The following SYNE1 variants were observed in gnomAD, a reference collection of about 807,000 sequenced individuals.
The protein encoded by SYNE1 is spectrin repeat containing nuclear envelope protein 1.
SYNE1 carries 616 observed loss-of-function variants against 1,111.0 expected under a neutral mutation model. The ratio of observed to expected loss-of-function variants is 0.55; its 90% CI spans 0.52 to 0.59. SYNE1 has a LOEUF of 0.59. Ranked by LOEUF, SYNE1 falls within the 20% of genes least tolerant of loss-of-function variation. The pLI is 0.00. For synonymous variants in SYNE1, 3,855 were observed against 3,825.8 expected (o/e 1.01, Z -0.28); for missense variants, 10,006 against 10,417.0 (o/e 0.96, Z 1.72).
Position 152,395,499 on chromosome 6 carries a change from C to T in SYNE1, c.7712+17G>A. On this transcript the variant is annotated intron_variant, in intron 51 of 145. Coordinates refer to ENST00000367255, the MANE Select transcript of SYNE1 (RefSeq NM_182961.4). ...CATGGTAAGAGGTAAAGGACCTGTT[C>T]CATTTCTGGACCATACCTTGCAGCC... 1 of 1,610,294 alleles carries T rather than the reference C, an allele frequency of 6.2e-7. No homozygotes were observed. Among genetic ancestry groups the T allele is most frequent in the South Asian group, 1.1e-5 (1 of 90,440 alleles).
At chr6:152,536,066 C>T (rs2099234610) in intron 4 of SYNE1, among the ~76,000 whole-genome samples, 1 of 151,792 alleles carries the variant, frequency 6.6e-6, no homozygotes, top group African/African-American at 2.4e-5. Flanking sequence ...ACCCACTTTC[C>T]TATTCCCAAT....
intron 98 of SYNE1, chr6:152,277,809 A>G: frequency 2.0e-6 from 1 of 490,840 alleles, no homozygotes; most frequent in South Asian, 2.0e-5. Context: ...TTCCCTCTCC[A>G]GTTCCTCTCC....
Position 152,295,615 on chromosome 6 carries a change from G to GAC in SYNE1, c.17683-1490_17683-1489dup, listed in dbSNP as rs57149645. Among the ~76,000 whole-genome samples the GAC allele has an allele frequency of 7.8e-4, 117 of 150,572 alleles. 2 individuals are homozygous for GAC. The highest frequency in any genetic ancestry group is 4.6e-3 in the South Asian group (22 of 4,738). On this transcript the variant is annotated intron_variant, in intron 93 of 145. Transcript: ENST00000367255. ...CATTTATGCATGTGTGTGTGTTACT[G>GAC]ACACACACACACACACATACACACA... is the stretch of plus-strand genomic sequence containing the variant.
intron 3 of SYNE1, among the ~76,000 whole-genome samples, chr6:152,573,327 C>T (rs2099477583): frequency 7.7e-6 from 1 of 130,250 alleles, no homozygotes; most frequent in Non-Finnish European, 1.6e-5. Flanking sequence ...TGCTATCCCC[C>T]CCCCTCCCCC....
Position 152,231,473 on chromosome 6 carries a change from C to T in SYNE1, c.20957G>A (p.Arg6986His), listed in dbSNP as rs772675312. 75 of 1,614,020 alleles carry T rather than the reference C, an allele frequency of 4.6e-5. No individual in the cohort carries two copies. Among genetic ancestry groups the T allele is most frequent in the Non-Finnish European group, 5.7e-5 (67 of 1,180,038 alleles). Residue 6986 changes from arginine to histidine, a missense_variant, in exon 114 of 146, where the codon CGT (arginine) becomes CAT (histidine). Coordinates refer to ENST00000367255, the MANE Select transcript of SYNE1 (RefSeq NM_182961.4). ...QISSQDVESK[R>H]SDKTDFAEQL... ...CTCAGCAAAATCAGTCTTATCACTACGCTTACTTTCCACATCCTGACTGCT... is the reference window on the plus strand; with the variant it reads ...CTCAGCAAAATCAGTCTTATCACTATGCTTACTTTCCACATCCTGACTGCT...
chr6:152,611,077 A>C (rs2099629946), intron 3 of SYNE1, among the ~76,000 whole-genome samples: 1 of 152,228 alleles, frequency 6.6e-6, no homozygotes, highest in African/African-American at 2.4e-5. Context: ...CTATGAAGAA[A>C]CTGCATCAGT....
At chr6:152,574,595 G>A (rs1267425126) in intron 3 of SYNE1, among the ~76,000 whole-genome samples, 1 of 152,174 alleles carries the variant, frequency 6.6e-6, no homozygotes, top group East Asian at 1.9e-4. Context: ...ACTAAATGAA[G>A]CTTTGAGGGA....
In SYNE1 at chr6:152,282,376, G is replaced by C. The variant is rs537253609; in HGVS notation, c.18208-396C>G. Among the ~76,000 whole-genome samples the C allele has an allele frequency of 8.5e-4, 129 of 152,314 alleles. 1 individual carries two copies. Among genetic ancestry groups the C allele is most frequent in the Non-Finnish European group, 1.1e-3 (76 of 68,040 alleles). The stretch of plus-strand genomic sequence containing the variant: ...GGAAGAGTAGGGAGTGATGGAGACT[G>C]TGGCAAACTGAAAAACATGCGGCCT... On this transcript the variant is annotated intron_variant, in intron 96 of 145. Transcript: ENST00000367255.
intron 84 of SYNE1, chr6:152,319,876 T>C (rs529816722): frequency 2.0e-5 from 3 of 152,376 alleles, no homozygotes; most frequent in African/African-American, 4.8e-5. Flanking sequence ...AGAAAAACCA[T>C]GGCTGTGCAC....
chr6:152,564,551 A>G (rs1020254595), intron 3 of SYNE1, among the ~76,000 whole-genome samples: 1 of 152,168 alleles, frequency 6.6e-6, no homozygotes, highest in Non-Finnish European at 1.5e-5. Flanking sequence ...TCCTGAACTC[A>G]AGTGATCTGC....
chr6:152,394,739 A>C (rs2097703599), intron 51 of SYNE1, among the ~76,000 whole-genome samples: 1 of 151,862 alleles, frequency 6.6e-6, no homozygotes, highest in Non-Finnish European at 1.5e-5. Flanking sequence ...AAATGTGTGA[A>C]TAACATATGG....
At chr6:152,175,887 T>G (rs989276420) in intron 130 of SYNE1, among the ~76,000 whole-genome samples, 1 of 152,180 alleles carries the variant, frequency 6.6e-6, no homozygotes, top group Non-Finnish European at 1.5e-5. Flanking sequence ...CAAACACTTA[T>G]AGTTAGCACT....
At chr6:152,548,939 G>C (rs2099327660) in intron 3 of SYNE1, among the ~76,000 whole-genome samples, 1 of 152,192 alleles carries the variant, frequency 6.6e-6, no homozygotes, top group Admixed American at 6.5e-5. Flanking sequence ...TGTTTTAGCT[G>C]TCTTGGATCT....
intron 71 of SYNE1, 49 bp downstream of exon 71, chr6:152,350,569 C>G: frequency 6.2e-7 from 1 of 1,613,160 alleles, no homozygotes; most frequent in Non-Finnish European, 8.5e-7. Context: ...AGTCAGGGCC[C>G]ACATTTTGGA....
chr6:152,325,003 A>C (rs1174548343), intron 81 of SYNE1, 81 bp downstream of exon 81: 12 of 1,539,838 alleles, frequency 7.8e-6, no homozygotes, highest in African/African-American at 2.7e-5. Context: ...GCTGACTTCA[A>C]AAAGGGGCAA....
At chr6:152,188,984 AATATATATAT>A (rs1190850842) in intron 128 of SYNE1, among the ~76,000 whole-genome samples, 573 of 23,006 alleles carry the variant, frequency 0.025, 10 homozygotes, top group Non-Finnish European at 0.038. Context: ...AAAAAAAAAA[AATATATATAT>A]ATATATATAT....
At chr6:152,518,805 C>T (rs1428911890) in intron 6 of SYNE1, among the ~76,000 whole-genome samples, 2 of 151,874 alleles carry the variant, frequency 1.3e-5, no homozygotes, top group South Asian at 2.1e-4. Flanking sequence ...TTTACCCACA[C>T]GTGCGAGAAG....
At position 152,331,786 on chromosome 6, in the gene SYNE1, T is replaced by G; in HGVS notation, c.12899A>C (p.Gln4300Pro). Residue 4300 changes from glutamine (Q) to proline (P), a missense_variant, in exon 78 of 146, where the codon CAG (glutamine) becomes CCG (proline). This residue lies in a region of SYNE1 where 4,955 missense variants were observed against 5,017.2 expected (regional missense o/e 0.99). Coordinates refer to ENST00000367255, the MANE Select transcript of SYNE1 (RefSeq NM_182961.4). ...TAAATTCAGATGCTCTATCATTTTC[T>G]GCTTTTGATCTTTCAGATCTTCAAT... ...YAIEDLKDQKQKMIEHLNLDD... is the reference protein window; with the variant it reads ...YAIEDLKDQKPKMIEHLNLDD... 2 of 1,614,236 alleles carry G rather than the reference T, an allele frequency of 1.2e-6. No individual in the cohort carries two copies. Among genetic ancestry groups the G allele is most frequent in the Non-Finnish European group, 1.7e-6 (2 of 1,180,044 alleles).
intron 111 of SYNE1, 127 bp from the exon 112 acceptor site, chr6:152,234,090 A>G: frequency 1.0e-6 from 1 of 992,722 alleles, no homozygotes. Context: ...GAACACTCAA[A>G]AGAAAATGAA....
Sources: gnomAD v4.1 joint callset for allele counts (sites outside exome capture counted in the v4.1 genomes callset) on GRCh38, gnomAD v4.1.1 for gene constraint, gnomAD v4.1.1 regional missense constraint, MANE v1.5 for transcripts, NCBI Gene and HGNC (gene_info 2026-07-23, HGNC 2026-07-21) for gene names.